The following TUBAL3 variants were observed in gnomAD, a reference collection of about 807,000 sequenced individuals.
TUBAL3 encodes tubulin alpha like 3.
Under a neutral mutation model 15.5 loss-of-function variants are expected in TUBAL3, and 16 were observed. The observed-to-expected ratio is 1.04, with a 90% CI of 0.70 to 1.57. The LOEUF (loss-of-function observed/expected upper bound fraction) is 1.57. Among genes scored for constraint, TUBAL3 ranks in the 40% most tolerant of loss-of-function variants. The pLI is 0.00. For synonymous variants in TUBAL3, 238 were observed against 224.3 expected, an observed-to-expected ratio of 1.06 and a Z score of -0.55; for missense variants, 609 against 576.2, an observed-to-expected ratio of 1.06 and a Z score of -0.58.
rs1426873744 is a variant in TUBAL3, at chr10:5,394,382, A to T, written c.476T>A (p.Leu159His). 6.2e-7 allele frequency: 1 copy of T among 1,614,086 alleles called. No homozygotes were observed. The highest frequency in any genetic ancestry group is 1.7e-5 in the Admixed American group (1 of 60,008). ...TTCTCCTGTGAGCCTCTCCATTAAG[A>T]GAGACGTAAACCCTGAACCAGTGCC... Reference protein sequence around the residue: ...GGGTGSGFTSLLMERLTGEYS... With the variant: ...GGGTGSGFTSHLMERLTGEYS... The change falls in exon 4 of 4, where the codon CTC becomes CAC. Residue 159 changes from leucine (L) to histidine (H), a missense_variant. By Grantham distance (99) the Leu-to-His change is moderately conservative. Coordinates refer to ENST00000380419, the MANE Select transcript of TUBAL3 (RefSeq NM_024803.3). The surrounding 1 kb of genome is among the most constrained non-coding windows in gnomAD (Gnocchi z 4.3).
chr10:5,394,194 G>A lies in TUBAL3; in HGVS notation c.664C>T (p.Arg222Cys), dbSNP rs149499697. The change falls in exon 4 of 4, where the codon CGT (arginine) becomes TGT (cysteine). Residue 222 changes from arginine to cysteine, a missense_variant. Arg to Cys is a radical substitution (Grantham distance 180). Transcript: ENST00000380419. The surrounding 1 kb of genome is among the most constrained non-coding windows in gnomAD (Gnocchi z 4.3). The stretch of plus-strand genomic sequence containing the variant: ...GAGGGGCATTCAACACCGAGTTTAC[G>A]ATGGCATATATCATAGACGGCCTCG... ...DNEAVYDICH[R>C]KLGVECPSHA... 1.2e-4 allele frequency: 190 copies of A among 1,614,178 alleles called. 1 individual carries two copies. The African/African-American group carries it at 1.5e-3, about 13-fold the overall frequency.
At position 5,395,077 on chromosome 10, in the gene TUBAL3, T is replaced by C. The variant is rs1554813959; in HGVS notation, c.396+250A>G. 6.6e-6 allele frequency among the ~76,000 whole-genome samples: 1 copy of C among 152,200 alleles called. No homozygotes were observed. Among genetic ancestry groups the C allele is most frequent in the Non-Finnish European group, 1.5e-5 (1 of 68,022 alleles). On this transcript the variant is annotated intron_variant, in intron 3 of 3. Transcript: ENST00000380419. The surrounding 1 kb of genome is among the most constrained non-coding windows in gnomAD (Gnocchi z 4.6). Reference sequence around the variant, plus strand: ...TCTCGTAACAAGATGAACCCTGTGTTAGGAGAACCAGGGATGATCAGGTGA... The same window carrying C: ...TCTCGTAACAAGATGAACCCTGTGTCAGGAGAACCAGGGATGATCAGGTGA...
In TUBAL3 at chr10:5,394,084, G is replaced by C; in HGVS notation, c.774C>G (p.Asp258Glu). ...CCAGGTTGGTCTGGAATTCAATTAGGTCTACATTCAAGGGCCCTTCAAACC... is the reference window on the plus strand; with the variant it reads ...CCAGGTTGGTCTGGAATTCAATTAGCTCTACATTCAAGGGCCCTTCAAACC... ...SLRFEGPLNVDLIEFQTNLVP... is the reference protein window; with the variant it reads ...SLRFEGPLNVELIEFQTNLVP... The change falls in exon 4 of 4, where the codon GAC becomes GAG. Residue 258 changes from aspartate (D) to glutamate (E), a missense_variant. Coordinates refer to ENST00000380419, the MANE Select transcript of TUBAL3 (RefSeq NM_024803.3). The surrounding 1 kb of genome is among the most constrained non-coding windows in gnomAD (Gnocchi z 4.3). The C allele has an allele frequency of 6.2e-7, 1 of 1,614,204 alleles. No homozygotes were observed. The highest frequency in any genetic ancestry group is 8.5e-7 in the Non-Finnish European group (1 of 1,180,042).
intron 1 of TUBAL3, among the ~76,000 whole-genome samples, chr10:5,403,186 A>T (rs1554814784): frequency 6.6e-6 from 1 of 152,020 alleles, no homozygotes; most frequent in Non-Finnish European, 1.5e-5. Context: ...CTAATATTCC[A>T]CCTCTCAAGA....
chr10:5,401,536 T>C (rs1000021060), intron 1 of TUBAL3, among the ~76,000 whole-genome samples: 4 of 152,126 alleles, frequency 2.6e-5, no homozygotes, highest in South Asian at 4.1e-4. Flanking sequence ...AAAATCAATA[T>C]ATAGCCTTGT....
intron 1 of TUBAL3, among the ~76,000 whole-genome samples, chr10:5,402,760 G>T (rs1258957737): frequency 6.6e-5 from 10 of 152,240 alleles, no homozygotes; most frequent in Non-Finnish European, 1.5e-4. Context: ...TGTGAACTGC[G>T]CATGCAAGGG....
At position 5,394,588 on chromosome 10, in the gene TUBAL3, T is replaced by C. The variant is rs1831734569; in HGVS notation, c.397-127A>G. 1 of 792,492 alleles carries C rather than the reference T, an allele frequency of 1.3e-6. No homozygotes were observed. Among genetic ancestry groups the C allele is most frequent in the Non-Finnish European group, 2.0e-6 (1 of 512,356 alleles). The allele number at this position is 792,492 out of a possible 1,614,324, so 49.1% of individuals were successfully genotyped here. ...CTTTCAGAAAGGACTCCTTTGCCTT[T>C]GTTAACTCCACAACAAACATAGCTA... On this transcript the variant is annotated intron_variant, in intron 3 of 3. Coordinates refer to ENST00000380419, the MANE Select transcript of TUBAL3 (RefSeq NM_024803.3). The surrounding 1 kb of genome is among the most constrained non-coding windows in gnomAD (Gnocchi z 4.3).
chr10:5,402,874 T>C (rs1831878224), intron 1 of TUBAL3, among the ~76,000 whole-genome samples: 1 of 152,058 alleles, frequency 6.6e-6, no homozygotes, highest in Non-Finnish European at 1.5e-5. Context: ...CATGGAAAAA[T>C]TGTGTCCCAC....
At position 5,394,392 on chromosome 10, in the gene TUBAL3, A is replaced by T. The variant is rs553199385; in HGVS notation, c.466T>A (p.Phe156Ile). The T allele has an allele frequency of 6.2e-7, 1 of 1,614,082 alleles. No individual in the cohort carries two copies. The highest frequency in any genetic ancestry group is 8.5e-7 in the Non-Finnish European group (1 of 1,180,004). Residue 156 changes from phenylalanine to isoleucine, a missense_variant, in exon 4 of 4, where the codon TTT becomes ATT. By Grantham distance (21) the Phe-to-Ile change is conservative. Transcript: ENST00000380419. This position sits in a 1 kb window ranked among gnomAD's most constrained non-coding sequence, Gnocchi z 4.3. ...AGCCTCTCCATTAAGAGAGACGTAA[A>T]CCCTGAACCAGTGCCTCCTCCAAAG... ...RSFGGGTGSGFTSLLMERLTG... is the reference protein window; with the variant it reads ...RSFGGGTGSGITSLLMERLTG...
chr10:5,393,925 C>T lies in TUBAL3; in HGVS notation c.933G>A (p.Lys311=), dbSNP rs1831718313. The T allele has an allele frequency of 6.2e-7, 1 of 1,614,224 alleles. No individual in the cohort carries two copies. The part of the protein sequence containing the change: ...ACFESSNQLV[K]CDPRLGKYMA... Reference sequence around the variant, plus strand: ...TGTACTTCCCAAGCCGAGGATCACACTTGACCAGCTGGTTGGAGGACTCAA... The same window carrying T: ...TGTACTTCCCAAGCCGAGGATCACATTTGACCAGCTGGTTGGAGGACTCAA... The change falls in exon 4 of 4, where the codon AAG becomes AAA. Residue 311 remains lysine, a synonymous_variant. Transcript: ENST00000380419.
At chr10:5,403,022 A>G (rs915719021) in intron 1 of TUBAL3, among the ~76,000 whole-genome samples, 1 of 152,318 alleles carries the variant, frequency 6.6e-6, no homozygotes, top group African/African-American at 2.4e-5. Context: ...AATGGCATCA[A>G]ACCTTTGTAC....
intron 2 of TUBAL3, among the ~76,000 whole-genome samples, chr10:5,399,980 A>C (rs189721122): frequency 3.9e-5 from 6 of 152,360 alleles, no homozygotes; most frequent in Admixed American, 1.3e-4. Flanking sequence ...CACAACATCA[A>C]ACCCAAATCT....
In TUBAL3 at chr10:5,394,273, G is replaced by A; in HGVS notation, c.585C>T (p.Val195=). ...STAVVEPYNS[V]LTTHSTTEHT... The stretch of plus-strand genomic sequence containing the variant: ...GCTCTGTGGTGGAGTGGGTGGTGAG[G>A]ACAGAGTTATAAGGCTCTACCACAG... Residue 195 remains valine, a synonymous_variant, in exon 4 of 4, where the codon GTC becomes GTT. Transcript: ENST00000380419. This position sits in a 1 kb window ranked among gnomAD's most constrained non-coding sequence, Gnocchi z 4.3. 1 of 1,614,168 alleles carries A rather than the reference G, an allele frequency of 6.2e-7. No homozygotes were observed. Among genetic ancestry groups the A allele is most frequent in the Non-Finnish European group, 8.5e-7 (1 of 1,180,038 alleles).
intron 2 of TUBAL3, among the ~76,000 whole-genome samples, chr10:5,398,444 A>C (rs1003106608): frequency 1.2e-4 from 18 of 151,530 alleles, no homozygotes; most frequent in Non-Finnish European, 1.5e-5. Context: ...AAAAAAAAAA[A>C]AAAACTTATC....
rs149030047 is a variant in TUBAL3, at chr10:5,393,720, G to C, written c.1138C>G (p.Arg380Gly). 44 of 1,614,058 alleles carry C rather than the reference G, an allele frequency of 2.7e-5. No homozygotes were observed. In the South Asian group the frequency reaches 4.4e-4, roughly 16 times the overall value. Residue 380 changes from arginine to glycine, a missense_variant, in exon 4 of 4, where the codon CGG (arginine) becomes GGG (glycine). Arg to Gly is a moderately radical substitution (Grantham distance 125, BLOSUM62 -2). Transcript: ENST00000380419. ...MPGGDLAKVH[R>G]SICMLSNTTA... ...GTGTTGCTCAGCATGCAGATGGACC[G>C]GTGGACTTTGGCCAGGTCCCCACCC... is the stretch of plus-strand genomic sequence containing the variant.
intron 2 of TUBAL3, among the ~76,000 whole-genome samples, chr10:5,399,735 C>T (rs1431675280): frequency 3.2e-4 from 49 of 152,194 alleles, no homozygotes; most frequent in Admixed American, 2.7e-3. Context: ...TCCACCCCTC[C>T]CACTCTCTCA....
In TUBAL3 at chr10:5,395,433, T is replaced by A; in HGVS notation, c.290A>T (p.Glu97Val). 6.2e-7 allele frequency: 1 copy of A among 1,602,346 alleles called. No individual in the cohort carries two copies. Among genetic ancestry groups the A allele is most frequent in the Admixed American group, 1.7e-5 (1 of 59,122 alleles). The change falls in exon 3 of 4, where the codon GAG (glutamate) becomes GTG (valine). Residue 97 changes from glutamate (E) to valine (V), a missense_variant. Physicochemically the swap from Glu to Val is moderately radical, Grantham distance 121 (BLOSUM62 -2). Transcript: ENST00000380419. This position sits in a 1 kb window ranked among gnomAD's most constrained non-coding sequence, Gnocchi z 4.6. ...TGQHRSLFHPEQLLSGKEDAA... is the reference protein window; with the variant it reads ...TGQHRSLFHPVQLLSGKEDAA... ...ATCCTCCTTTCCGCTAAGGAGCTGC[T>A]CGGGGTGGAAGAGTGAACGGTGCTG... is the stretch of plus-strand genomic sequence containing the variant.
intron 2 of TUBAL3, 58 bp downstream of exon 2, chr10:5,400,786 C>T: frequency 6.2e-7 from 1 of 1,605,100 alleles, no homozygotes; most frequent in Non-Finnish European, 8.5e-7. Flanking sequence ...ATCCCATCCA[C>T]TTGATTTGTT....
chr10:5,403,538 A>G (rs1831886676), intron 1 of TUBAL3, among the ~76,000 whole-genome samples: 1 of 85,058 alleles, frequency 1.2e-5, no homozygotes, highest in African/African-American at 5.5e-5. Flanking sequence ...AATAATCACT[A>G]ACATTAAAAA....
Sources: allele counts gnomAD v4.1 joint callset (sites outside exome capture counted in the v4.1 genomes callset), GRCh38; gene constraint gnomAD v4.1.1; non-coding constraint Gnocchi (gnomAD v3.1); transcripts MANE v1.5; gene names NCBI Gene and HGNC (gene_info 2026-07-23, HGNC 2026-07-21).